TUBGCP3: variants seen among roughly 807,000 people sequenced by gnomAD.
TUBGCP3 encodes gamma-tubulin complex component 3.
A neutral mutation model predicts 123.1 loss-of-function variants in TUBGCP3; 50 were observed. The ratio of observed to expected loss-of-function variants is 0.41; its 90% CI spans 0.32 to 0.51. The LOEUF (loss-of-function observed/expected upper bound fraction) is 0.51. TUBGCP3 is among the 20% of genes least tolerant of loss of function. TUBGCP3 has a pLI of 0.36. For missense variants in TUBGCP3, 882 were observed against 1,127.0 expected (o/e 0.78, Z 3.11); for synonymous variants, 405 against 413.9 (o/e 0.98, Z 0.26).
At chr13:112,521,583 TA>T in intron 14 of TUBGCP3, 1 of 866,762 alleles carries the variant, frequency 1.2e-6, no homozygotes. Context: ...ACCTGAGGCC[TA>T]AAACAATTGC....
intron 1 of TUBGCP3, among the ~76,000 whole-genome samples, chr13:112,570,605 T>G (rs1171229171): frequency 6.6e-6 from 1 of 152,152 alleles, no homozygotes; most frequent in Non-Finnish European, 1.5e-5. Flanking sequence ...TGGTGGAGGG[T>G]CTCACCTTGA....
At chr13:112,489,911 A>G (rs903765861) in intron 20 of TUBGCP3, 27 of 565,574 alleles carry the variant, frequency 4.8e-5, no homozygotes, top group Non-Finnish European at 7.2e-5. Flanking sequence ...TCATATGAAC[A>G]CATTTGAGAC....
chr13:112,578,514 G>C (rs1485603000), intron 1 of TUBGCP3, among the ~76,000 whole-genome samples: 1 of 129,128 alleles, frequency 7.7e-6, no homozygotes, highest in Non-Finnish European at 1.5e-5. Flanking sequence ...AGCCGGGATA[G>C]CGCCACTGCA....
intron 1 of TUBGCP3, among the ~76,000 whole-genome samples, chr13:112,570,012 T>G (rs1881277174): frequency 6.6e-6 from 1 of 152,152 alleles, no homozygotes; most frequent in Non-Finnish European, 1.5e-5. Flanking sequence ...AGGAAGGAAC[T>G]GGATACTCTC....
upstream of TUBGCP3, among the ~76,000 whole-genome samples, chr13:112,589,934 A>T (rs1275807006): frequency 6.6e-6 from 1 of 152,168 alleles, no homozygotes; most frequent in Non-Finnish European, 1.5e-5. Flanking sequence ...TCTGAGACTG[A>T]TGTACGGTTT....
At chr13:112,526,754 G>A (rs1001564964) in intron 13 of TUBGCP3, among the ~76,000 whole-genome samples, 188 bp downstream of exon 13, 50 of 146,104 alleles carry the variant, frequency 3.4e-4, no homozygotes, top group African/African-American at 9.2e-4. Flanking sequence ...CCACCACCAC[G>A]CATTCATCAT....
At chr13:112,532,273 T>C (rs1877643277) in intron 11 of TUBGCP3, among the ~76,000 whole-genome samples, 2 of 152,218 alleles carry the variant, frequency 1.3e-5, no homozygotes, top group South Asian at 4.1e-4. Flanking sequence ...TTCCAAAACA[T>C]TAAGATATTT....
chr13:112,539,110 T>G (rs1878295189), intron 11 of TUBGCP3, among the ~76,000 whole-genome samples: 1 of 152,194 alleles, frequency 6.6e-6, no homozygotes, highest in African/African-American at 2.4e-5. Flanking sequence ...TATTCAAATT[T>G]TATCCAATGT....
Position 112,548,110 on chromosome 13 carries a change from G to T in TUBGCP3, c.1033C>A (p.Gln345Lys). 6.3e-7 allele frequency: 1 copy of T among 1,587,690 alleles called. No homozygotes were observed. Among genetic ancestry groups the T allele is most frequent in the Non-Finnish European group, 8.6e-7 (1 of 1,164,042 alleles). Residue 345 changes from glutamine to lysine, a missense_variant and splice_region_variant, in exon 9 of 22, where the codon CAG becomes AAG. This residue lies in a region of TUBGCP3 where 713 missense variants were observed against 874.0 expected (regional missense o/e 0.82). Transcript: ENST00000261965. ...AAAAATAAAAATAAAATATTTACCT[G>T]AGAATGTAAAACAGAGAGCAATCGA... ...YYRLLSVLHS[Q>K]LQLEDDQGVN...
At chr13:112,557,510 C>T (rs1055443804) in intron 5 of TUBGCP3, among the ~76,000 whole-genome samples, 1 of 152,160 alleles carries the variant, frequency 6.6e-6, no homozygotes, top group African/African-American at 2.4e-5. Context: ...CACTTTAATG[C>T]GATTTCCGGG....
At chr13:112,592,636 G>A (rs984707328), upstream of TUBGCP3, among the ~76,000 whole-genome samples, 4 of 152,346 alleles carry the variant, frequency 2.6e-5, no homozygotes, top group South Asian at 8.3e-4. This position sits in a 1 kb window ranked among gnomAD's most constrained non-coding sequence, Gnocchi z 4.1. Flanking sequence ...TGAATGCAAA[G>A]TCAGAGTGGG....
intron 11 of TUBGCP3, among the ~76,000 whole-genome samples, chr13:112,539,191 A>G (rs1207733665): frequency 6.6e-6 from 1 of 152,224 alleles, no homozygotes; most frequent in Non-Finnish European, 1.5e-5. Flanking sequence ...ACATACACAA[A>G]ATCACACCAG....
At chr13:112,492,641 G>C (rs907667865) in intron 20 of TUBGCP3, among the ~76,000 whole-genome samples, 2 of 139,696 alleles carry the variant, frequency 1.4e-5, no homozygotes, top group Non-Finnish European at 3.1e-5. Context: ...CTATGGGAAC[G>C]GGGCCTGGTG....
chr13:112,534,512 A>C (rs1877874116), intron 11 of TUBGCP3, among the ~76,000 whole-genome samples: 1 of 152,224 alleles, frequency 6.6e-6, no homozygotes, highest in South Asian at 2.1e-4. Context: ...GCACCACTGC[A>C]CTCCAGCCTG....
At chr13:112,601,891 C>T in the TUBGCP3 span, among the ~76,000 whole-genome samples, 1 of 152,196 alleles carries the variant, frequency 6.6e-6, no homozygotes, top group South Asian at 2.1e-4. Context: ...TCCTGGGGTC[C>T]GCACTTCCTG....
intron 6 of TUBGCP3, among the ~76,000 whole-genome samples, chr13:112,555,237 A>G (rs7331110): frequency 0.36 from 54,036 of 152,078 alleles, 11,050 homozygotes; most frequent in African/African-American, 0.56. Context: ...CACGACATGA[A>G]TCTGCAGCTG....
chr13:112,550,389 G>T (rs1879460228), intron 8 of TUBGCP3, among the ~76,000 whole-genome samples: 1 of 152,074 alleles, frequency 6.6e-6, no homozygotes, highest in African/African-American at 2.4e-5. Context: ...AGACAAATGT[G>T]AACATTTTCA....
intron 1 of TUBGCP3, among the ~76,000 whole-genome samples, chr13:112,574,768 CAAAGGAA>C (rs1881680693): frequency 6.6e-6 from 1 of 152,230 alleles, no homozygotes; most frequent in African/African-American, 2.4e-5. Context: ...ACTGATGAAT[CAAAGGAA>C]ATCCTGGAAT....
At chr13:112,527,997 G>A (rs1566553441) in intron 11 of TUBGCP3, among the ~76,000 whole-genome samples, 1 of 152,222 alleles carries the variant, frequency 6.6e-6, no homozygotes, top group Non-Finnish European at 1.5e-5. Flanking sequence ...TGTGTACAAG[G>A]GGCCAGCACC....
Sources: allele counts gnomAD v4.1 joint callset (sites outside exome capture counted in the v4.1 genomes callset), GRCh38; gene constraint gnomAD v4.1.1; regional missense constraint gnomAD v4.1.1; non-coding constraint Gnocchi (gnomAD v3.1); transcripts MANE v1.5; gene names NCBI Gene and HGNC (gene_info 2026-07-23, HGNC 2026-07-21).